ERVV-2: variants seen among roughly 807,000 people sequenced by gnomAD.
ERVV-2 encodes the protein endogenous retrovirus group V member 2, envelope, also known as endogenous retrovirus group V member 2 Env polyprotein.
For missense variants in ERVV-2, 291 were observed against 495.1 expected (o/e 0.59, Z 3.91); for synonymous variants, 105 against 184.6 (o/e 0.57, Z 3.49).
At position 53,044,779 on chromosome 19, in the gene ERVV-2, CA is replaced by C. The variant is rs2083884077; in HGVS notation, c.-564del. 1 of 152,064 alleles carries C rather than the reference CA, an allele frequency of 6.6e-6. No individual in the cohort carries two copies. Among genetic ancestry groups the C allele is most frequent in the East Asian group, 1.9e-4 (1 of 5,170 alleles). The allele number at this position is 152,064 out of a possible 1,614,324, so 9.4% of individuals were successfully genotyped here. ...CAGGAGCCCACTCGGTTCTGTCGTTCAGGGTGTCGCTTCTTTCTGAGCTCCT... is the reference window on the plus strand; with the variant it reads ...CAGGAGCCCACTCGGTTCTGTCGTTCGGGTGTCGCTTCTTTCTGAGCTCCT... On this transcript the variant is annotated 5_prime_UTR_variant, in exon 1 of 2. Transcript: ENST00000601417.
chr19:53,046,854 C>T (rs1355564660), intron 1 of ERVV-2, among the ~76,000 whole-genome samples: 1 of 152,108 alleles, frequency 6.6e-6, no homozygotes, highest in Middle Eastern at 3.2e-3. Flanking sequence ...GAGTTCGAGA[C>T]CAGCCTGATC....
rs536198422 is a variant in ERVV-2 at position 53,050,575 on chromosome 19, G to T, written c.1324G>T (p.Ala442Ser). The change falls in exon 2 of 2, where the codon GCC (alanine) becomes TCC (serine). Residue 442 changes from alanine to serine, a missense_variant. Ala to Ser is a moderately conservative substitution (Grantham distance 99). Coordinates refer to ENST00000601417, the MANE Select transcript of ERVV-2 (RefSeq NM_001191055.2). ...DFGKGGASAR[A>S]IWEAVKSALP... ...TGGAAAAGGAGGTGCTTCAGCAAGGGCCATCTGGGAGGCTGTGAAGTCTGC... is the reference window on the plus strand; with the variant it reads ...TGGAAAAGGAGGTGCTTCAGCAAGGTCCATCTGGGAGGCTGTGAAGTCTGC... The T allele has an allele frequency of 1.2e-4, 104 of 874,182 alleles. No individual in the cohort carries two copies. The Admixed American group carries it at 1.5e-3, about 13-fold the overall frequency. 54.2% of individuals were successfully genotyped at this position (874,182 alleles called of 1,614,324 possible). A position where few individuals can be genotyped will look rare whatever the true frequency, so the allele number is the denominator to read the frequency against.
chr19:53,050,794 C>A lies in ERVV-2; in HGVS notation c.1543C>A (p.His515Asn), dbSNP rs1003225129. 5 of 1,535,884 alleles carry A rather than the reference C, an allele frequency of 3.3e-6. No homozygotes were observed. The highest frequency in any genetic ancestry group is 4.4e-6 in the Non-Finnish European group (5 of 1,146,854). Residue 515 changes from histidine to asparagine, a missense_variant, in exon 2 of 2, where the codon CAC (histidine) becomes AAC (asparagine). By Grantham distance (68) the His-to-Asn change is moderately conservative. Coordinates refer to ENST00000601417, the MANE Select transcript of ERVV-2 (RefSeq NM_001191055.2). ...SVIGGPSTYK[H>N]ISPLDASGQR... ...CATTGGAGGCCCCAGCACCTATAAG[C>A]ACATCTCCCCCTTGGATGCCAGTGG...
rs12975258 is a variant in ERVV-2, at chr19:53,051,664, C to G, written c.*805C>G. ...TGATGTCCTCTCTTTTTAAATAAAG[C>G]TTACTTAACCCTTTAACTCTTTCTG... is the stretch of plus-strand genomic sequence containing the variant. On this transcript the variant is annotated 3_prime_UTR_variant, in exon 2 of 2. Transcript: ENST00000601417. 0.87 allele frequency among the ~76,000 whole-genome samples: 131,721 copies of G among 152,128 alleles called. 57,300 individuals are homozygous for G. Among genetic ancestry groups the G allele is most frequent in the African/African-American group, 0.91 (37,697 of 41,510 alleles).
At position 53,051,136 on chromosome 19, in the gene ERVV-2, C is replaced by CT. The variant is rs57887970; in HGVS notation, c.*305dup. On this transcript the variant is annotated 3_prime_UTR_variant, in exon 2 of 2. Transcript: ENST00000601417. Reference sequence around the variant, plus strand: ...TAACCCATCCTAGAACAGCCTTTTGCTTTTTTTTTTTTTTTTTTTTTTTTT... The same window carrying CT: ...TAACCCATCCTAGAACAGCCTTTTGCTTTTTTTTTTTTTTTTTTTTTTTTTT... The CT allele has an allele frequency of 0.14, 15,185 of 110,702 alleles. 3,171 individuals carry two copies. Among genetic ancestry groups the CT allele is most frequent in the Non-Finnish European group, 0.17 (10,629 of 64,340 alleles). 6.9% of individuals were successfully genotyped at this position (110,702 alleles called of 1,614,324 possible).
At chr19:53,048,763 C>A (rs2083900389) in intron 1 of ERVV-2, 104 bp from the exon 2 acceptor site, 1 of 216,152 alleles carries the variant, frequency 4.6e-6, no homozygotes, top group Admixed American at 5.2e-5. Flanking sequence ...GGAATCAACA[C>A]CCATTATACC....
Position 53,050,285 on chromosome 19 carries a change from A to G in ERVV-2, c.1034A>G (p.His345Arg), listed in dbSNP as rs1335477147. The change falls in exon 2 of 2, where the codon CAT becomes CGT. Residue 345 changes from histidine to arginine, a missense_variant. By Grantham distance (29) the His-to-Arg change is conservative. Coordinates refer to ENST00000601417, the MANE Select transcript of ERVV-2 (RefSeq NM_001191055.2). ...MIAPWGGFTY[H>R]DVTLRNLSRQ... Reference sequence around the variant, plus strand: ...GCCCCATGGGGAGGGTTCACTTATCATGATGTCACCCTCAGAAATCTCTCC... The same window carrying G: ...GCCCCATGGGGAGGGTTCACTTATCGTGATGTCACCCTCAGAAATCTCTCC... 2.7e-6 allele frequency: 2 copies of G among 733,826 alleles called. No homozygotes were observed. Among genetic ancestry groups the G allele is most frequent in the Non-Finnish European group, 4.8e-6 (2 of 415,324 alleles). The allele number at this position is 733,826 out of a possible 1,614,324, so 45.5% of individuals were successfully genotyped here.
Position 53,050,045 on chromosome 19 carries a change from T to C in ERVV-2, c.794T>C (p.Leu265Pro). The change falls in exon 2 of 2, where the codon CTG becomes CCG. Residue 265 changes from leucine (L) to proline (P), a missense_variant. Transcript: ENST00000601417. The part of the protein sequence containing the change: ...VFLCGPQKNK[L>P]PFDGSPKITY... ...TTATGTGGGCCACAAAAAAATAAAC[T>C]GCCCTTTGATGGAAGTCCTAAGATA... 6.8e-7 allele frequency: 1 copy of C among 1,471,736 alleles called. No homozygotes were observed. The highest frequency in any genetic ancestry group is 9.1e-7 in the Non-Finnish European group (1 of 1,101,010). 91.2% of individuals were successfully genotyped at this position (1,471,736 alleles called of 1,614,324 possible). A position where few individuals can be genotyped will look rare whatever the true frequency, so the allele number is the denominator to read the frequency against.
chr19:53,049,362 G>A lies in ERVV-2; in HGVS notation c.111G>A (p.Ser37=), dbSNP rs1464875195. 14 of 892,656 alleles carry A rather than the reference G, an allele frequency of 1.6e-5. 1 individual carries two copies. Among genetic ancestry groups the A allele is most frequent in the African/African-American group, 2.2e-5 (1 of 45,176 alleles). 55.3% of individuals were successfully genotyped at this position (892,656 alleles called of 1,614,324 possible). The change falls in exon 2 of 2, where the codon TCG becomes TCA. Residue 37 remains serine, a synonymous_variant. Transcript: ENST00000601417. ...SLVSFSKIIA[S]GNHLSNCWIC... is the part of the protein sequence containing the mutation. The stretch of plus-strand genomic sequence containing the variant: ...TCAGTTTTTCCAAAATAATTGCTTC[G>A]GGAAACCATCTAAGCAACTGTTGGA...
intron 1 of ERVV-2, among the ~76,000 whole-genome samples, chr19:53,046,441 G>T (rs936105587): frequency 6.6e-6 from 1 of 152,092 alleles, no homozygotes; most frequent in Non-Finnish European, 1.5e-5. Flanking sequence ...TTTCCAATGG[G>T]CCACAGGAGA....
rs1420983272 is a variant in ERVV-2 at position 53,050,971 on chromosome 19, C to A, written c.*112C>A. 14 of 1,043,542 alleles carry A rather than the reference C, an allele frequency of 1.3e-5. No individual in the cohort carries two copies. The highest frequency in any genetic ancestry group is 1.9e-5 in the Non-Finnish European group (14 of 745,378). The allele number at this position is 1,043,542 out of a possible 1,614,324, so 64.6% of individuals were successfully genotyped here. ...CCAGAGCTTTTCAGGGTCTCCATCT[C>A]TTGAGGAGGGAAATATTAGGGTAGG... On this transcript the variant is annotated 3_prime_UTR_variant, in exon 2 of 2. Transcript: ENST00000601417.
At chr19:53,045,545 C>T (rs1175267579) in intron 1 of ERVV-2, among the ~76,000 whole-genome samples, 1 of 152,130 alleles carries the variant, frequency 6.6e-6, no homozygotes, top group African/African-American at 2.4e-5. Context: ...TCGTGATCCG[C>T]CCACCTCGGC....
chr19:53,045,740 C>G (rs1169330096), intron 1 of ERVV-2, among the ~76,000 whole-genome samples: 3 of 152,258 alleles, frequency 2.0e-5, no homozygotes, highest in Admixed American at 6.5e-5. Context: ...TTTGCTGTCC[C>G]TCTCCTCGCC....
rs1371306752 is a variant in ERVV-2 at position 53,050,896 on chromosome 19, G to C, written c.*37G>C. On this transcript the variant is annotated 3_prime_UTR_variant, in exon 2 of 2. Coordinates refer to ENST00000601417, the MANE Select transcript of ERVV-2 (RefSeq NM_001191055.2). ...AGAGGGAGACCCTGATGACTTCTTC[G>C]CCCCATGTCAGCAGGAAGTAGTTAC... 1 of 1,464,700 alleles carries C rather than the reference G, an allele frequency of 6.8e-7. No individual in the cohort carries two copies. The highest frequency in any genetic ancestry group is 9.0e-7 in the Non-Finnish European group (1 of 1,114,214). The allele number at this position is 1,464,700 out of a possible 1,614,324, so 90.7% of individuals were successfully genotyped here. A position where few individuals can be genotyped will look rare whatever the true frequency, so the allele number is the denominator to read the frequency against.
intron 1 of ERVV-2, among the ~76,000 whole-genome samples, chr19:53,048,548 G>C (rs922416332): frequency 6.6e-6 from 1 of 150,408 alleles, no homozygotes; most frequent in African/African-American, 2.5e-5. Flanking sequence ...GCTGGTACAT[G>C]CCTGTAATCC....
At chr19:53,048,003 C>G (rs2083897314) in intron 1 of ERVV-2, among the ~76,000 whole-genome samples, 2 of 152,036 alleles carry the variant, frequency 1.3e-5, no homozygotes, top group Non-Finnish European at 2.9e-5. Flanking sequence ...TGGGAAAACC[C>G]TGATTTTTGT....
Position 53,048,243 on chromosome 19 carries a change from G to A in ERVV-2, c.-385-624G>A, listed in dbSNP as rs538641306. ...AAAAAAATTAGCCGGGCATGGTGGC[G>A]GTCACCTGTAATCTCAGCTACTCGA... On this transcript the variant is annotated intron_variant, in intron 1 of 1. Coordinates refer to ENST00000601417, the MANE Select transcript of ERVV-2 (RefSeq NM_001191055.2). 7.1e-4 allele frequency among the ~76,000 whole-genome samples: 108 copies of A among 152,096 alleles called. 1 individual carries two copies. The highest frequency in any genetic ancestry group is 1.4e-3 in the Admixed American group (22 of 15,270).
intron 1 of ERVV-2, among the ~76,000 whole-genome samples, chr19:53,045,344 C>T (rs1348087308): frequency 1.3e-5 from 2 of 151,994 alleles, no homozygotes; most frequent in Non-Finnish European, 2.9e-5. Flanking sequence ...ACTCTGTCGC[C>T]CAGGCTGGAG....
rs1048269381 is a variant in ERVV-2, at chr19:53,051,673, C to T, written c.*814C>T. Among the ~76,000 whole-genome samples the T allele has an allele frequency of 9.2e-5, 14 of 152,120 alleles. No homozygotes were observed. Among genetic ancestry groups the T allele is most frequent in the Non-Finnish European group, 1.9e-4 (13 of 68,020 alleles). Reference sequence around the variant, plus strand: ...CTCTTTTTAAATAAAGCTTACTTAACCCTTTAACTCTTTCTGTGTGTCTCC... The same window carrying T: ...CTCTTTTTAAATAAAGCTTACTTAATCCTTTAACTCTTTCTGTGTGTCTCC... On this transcript the variant is annotated 3_prime_UTR_variant, in exon 2 of 2. Transcript: ENST00000601417.
Sources: allele counts gnomAD v4.1 joint callset (sites outside exome capture counted in the v4.1 genomes callset), GRCh38; gene constraint gnomAD v4.1.1; transcripts MANE v1.5; gene names NCBI Gene and HGNC (gene_info 2026-07-23, HGNC 2026-07-21).